The following GALNTL6 variants were observed in gnomAD, a reference collection of about 807,000 sequenced individuals.
GALNTL6 encodes the protein polypeptide N-acetylgalactosaminyltransferase like 6, also known as polypeptide N-acetylgalactosaminyltransferase-like 6.
Under a neutral mutation model 73.7 loss-of-function variants are expected in GALNTL6, and 46 were observed. The observed-to-expected ratio is 0.62, with a 90% confidence interval of 0.49 to 0.80. The LOEUF (loss-of-function observed/expected upper bound fraction) is 0.80, where lower values mean the gene tolerates loss of function less well. Among genes scored for constraint, GALNTL6 ranks in the 30% least tolerant of loss-of-function variants. The probability of loss-of-function intolerance (pLI) is 0.00; values close to 1 mark genes in which losing one functional copy is unlikely to be tolerated. For missense variants in GALNTL6, 604 were observed against 755.0 expected (o/e 0.80, Z 2.34); for synonymous variants, 259 against 263.7 (o/e 0.98, Z 0.17).
chr4:172,130,482 TTATA>T (rs1733459849), intron 2 of GALNTL6, among the ~76,000 whole-genome samples: 1 of 151,994 alleles, frequency 6.6e-6, no homozygotes, highest in Non-Finnish European at 1.5e-5. Context: ...TACAAAAAAA[TTATA>T]TATAGAAGCA....
intron 2 of GALNTL6, among the ~76,000 whole-genome samples, chr4:172,156,547 A>ATATCC (rs1734283622): frequency 8.8e-6 from 1 of 113,776 alleles, no homozygotes; most frequent in East Asian, 2.3e-4. Context: ...TATAATATAT[A>ATATCC]TATATATATA....
chr4:172,954,168 A>C (rs1421747447), intron 10 of GALNTL6, among the ~76,000 whole-genome samples: 2 of 152,198 alleles, frequency 1.3e-5, no homozygotes, highest in African/African-American at 2.4e-5. Context: ...TCTTCCTACC[A>C]GTTACTATGT....
chr4:172,515,409 TGTG>T lies in GALNTL6; in HGVS notation c.553+166721_553+166723del, dbSNP rs540203003. ...TGCGCTCCTCTCCCTTGGGCTTGTG[TGTG>T]ATGACAGTGGATGGTCTGTGGTCTT... On this transcript the variant is annotated intron_variant, in intron 5 of 12. Coordinates refer to ENST00000506823, the MANE Select transcript of GALNTL6 (RefSeq NM_001034845.3). Among the ~76,000 whole-genome samples, 459 of 152,342 alleles carry T rather than the reference TGTG, an allele frequency of 3.0e-3. 2 individuals are homozygous for T. Among genetic ancestry groups the T allele is most frequent in the African/African-American group, 0.01 (425 of 41,584 alleles).
At position 172,284,283 on chromosome 4, in the gene GALNTL6, T is replaced by C. The variant is rs1347426920; in HGVS notation, c.248-27331T>C. On this transcript the variant is annotated intron_variant, in intron 3 of 12. Coordinates refer to ENST00000506823, the MANE Select transcript of GALNTL6 (RefSeq NM_001034845.3). ...ACTAGAGATTTTAATGATTTCTTACTTTTTTTCACATACATTTAAGGAGTA... is the reference window on the plus strand; with the variant it reads ...ACTAGAGATTTTAATGATTTCTTACCTTTTTTCACATACATTTAAGGAGTA... 3.3e-5 allele frequency among the ~76,000 whole-genome samples: 5 copies of C among 152,342 alleles called. No individual in the cohort carries two copies. In the East Asian group the frequency reaches 7.7e-4, roughly 23 times the overall value.
chr4:172,439,502 G>A (rs1183292450), intron 5 of GALNTL6, among the ~76,000 whole-genome samples: 1 of 151,110 alleles, frequency 6.6e-6, no homozygotes, highest in Non-Finnish European at 1.5e-5. Flanking sequence ...TTCTCCCTAA[G>A]GTTTTGCTAT....
At chr4:172,821,800 G>A (rs757555601) in intron 7 of GALNTL6, among the ~76,000 whole-genome samples, 19 of 152,176 alleles carry the variant, frequency 1.2e-4, no homozygotes, top group Non-Finnish European at 1.9e-4. Context: ...TCCTTTGAAA[G>A]CCCAGAATAA....
chr4:172,770,260 C>A (rs370501241), intron 5 of GALNTL6, among the ~76,000 whole-genome samples: 1 of 77,982 alleles, frequency 1.3e-5, no homozygotes, highest in East Asian at 5.0e-4. Context: ...AGCAGGACTC[C>A]ATCTCAATAA....
At chr4:171,839,875 A>T (rs1314193891) in intron 2 of GALNTL6, among the ~76,000 whole-genome samples, 1 of 152,114 alleles carries the variant, frequency 6.6e-6, no homozygotes, top group Non-Finnish European at 1.5e-5. Flanking sequence ...TAATTTATTC[A>T]TGAGTCTAAG....
chr4:172,549,896 T>A (rs1394242744), intron 5 of GALNTL6, among the ~76,000 whole-genome samples: 3 of 152,174 alleles, frequency 2.0e-5, no homozygotes, highest in African/African-American at 7.2e-5. Flanking sequence ...ATAACATTTT[T>A]AAATAAAAAC....
intron 5 of GALNTL6, among the ~76,000 whole-genome samples, chr4:172,428,662 T>G (rs1184750961): frequency 5.3e-5 from 8 of 152,220 alleles, no homozygotes; most frequent in African/African-American, 1.9e-4. Context: ...TCCTTTTACC[T>G]TCACATCATG....
At chr4:172,820,052 C>T (rs1471325092) in intron 7 of GALNTL6, among the ~76,000 whole-genome samples, 1 of 106,702 alleles carries the variant, frequency 9.4e-6, no homozygotes, top group African/African-American at 3.7e-5. Flanking sequence ...AAAATCACTC[C>T]AGGTCTGCCT....
chr4:171,857,016 G>A (rs1370955844), intron 2 of GALNTL6, among the ~76,000 whole-genome samples: 3 of 152,066 alleles, frequency 2.0e-5, no homozygotes, highest in Non-Finnish European at 4.4e-5. Context: ...TTATCATCTA[G>A]TGGGGTTTAT....
chr4:172,324,891 T>C (rs1042789443), intron 4 of GALNTL6, among the ~76,000 whole-genome samples: 5 of 151,260 alleles, frequency 3.3e-5, no homozygotes, highest in East Asian at 2.0e-4. Context: ...TGAATATACA[T>C]CCCAAAGTTT....
At chr4:172,010,221 C>T (rs1740962828) in intron 2 of GALNTL6, among the ~76,000 whole-genome samples, 1 of 152,056 alleles carries the variant, frequency 6.6e-6, no homozygotes, top group Admixed American at 6.6e-5. Flanking sequence ...AAAGCACCAG[C>T]TGCCATTTGA....
intron 3 of GALNTL6, 137 bp from the exon 4 acceptor site, chr4:172,311,477 A>C: frequency 3.8e-6 from 2 of 524,002 alleles, no homozygotes; most frequent in Non-Finnish European, 6.2e-6. Flanking sequence ...TTAAAATAAT[A>C]TAATAAAATC....
intron 5 of GALNTL6, among the ~76,000 whole-genome samples, chr4:172,466,601 C>T (rs967605073): frequency 7.9e-5 from 12 of 152,110 alleles, no homozygotes; most frequent in Admixed American, 2.0e-4. Flanking sequence ...GTAAAAAACA[C>T]GCTATTAATA....
chr4:172,827,852 A>G (rs765865513), intron 7 of GALNTL6, among the ~76,000 whole-genome samples: 3 of 151,250 alleles, frequency 2.0e-5, no homozygotes, highest in Non-Finnish European at 4.4e-5. Flanking sequence ...CAAAAATACT[A>G]TCTCACTATA....
At chr4:172,961,436 C>T (rs968622246) in intron 10 of GALNTL6, among the ~76,000 whole-genome samples, 6 of 152,110 alleles carry the variant, frequency 3.9e-5, no homozygotes, top group African/African-American at 1.2e-4. Flanking sequence ...CCCAGAAAAG[C>T]GGTACTTGCT....
intron 2 of GALNTL6, among the ~76,000 whole-genome samples, chr4:172,079,380 T>A (rs972296505): frequency 6.6e-6 from 1 of 152,170 alleles, no homozygotes; most frequent in Non-Finnish European, 1.5e-5. Context: ...TTTTGTAGGT[T>A]ATTTTAGATA....
Sources: allele counts gnomAD v4.1 joint callset (sites outside exome capture counted in the v4.1 genomes callset), GRCh38; gene constraint gnomAD v4.1.1; transcripts MANE v1.5; gene names NCBI Gene and HGNC (gene_info 2026-07-23, HGNC 2026-07-21).